Variants in SORCS2 observed in about 807,000 individuals in gnomAD.
SORCS2 encodes VPS10 domain-containing receptor SorCS2.
A neutral mutation model predicts 141.6 loss-of-function variants in SORCS2; 100 were observed. The observed-to-expected ratio is 0.71, with a 90% confidence interval of 0.60 to 0.83. SORCS2 has a LOEUF of 0.83. SORCS2 is among the 40% of genes least tolerant of loss of function. SORCS2 has a pLI of 0.00. For missense variants in SORCS2, 1,646 were observed against 1,560.2 expected (o/e 1.05, Z -0.93); for synonymous variants, 789 against 676.9 (o/e 1.17, Z -2.57).
intron 9 of SORCS2, among the ~76,000 whole-genome samples, chr4:7,677,384 T>C (rs1490219127): frequency 6.6e-6 from 1 of 152,226 alleles, no homozygotes; most frequent in Non-Finnish European, 1.5e-5. Flanking sequence ...ACTTGACCCA[T>C]GTACAGGCCA....
chr4:7,397,717 G>A (rs1270584483), intron 2 of SORCS2, among the ~76,000 whole-genome samples: 1 of 152,206 alleles, frequency 6.6e-6, no homozygotes, highest in Non-Finnish European at 1.5e-5. Flanking sequence ...AAATGTCATT[G>A]CTGCTCTTTG....
chr4:7,213,716 G>A (rs1728175360), intron 1 of SORCS2, among the ~76,000 whole-genome samples: 1 of 150,672 alleles, frequency 6.6e-6, no homozygotes, highest in African/African-American at 2.5e-5. Flanking sequence ...TTCTCCCCCT[G>A]GGAACAGCAG....
intron 2 of SORCS2, chr4:7,433,453 A>G (rs1727029839): frequency 1.9e-6 from 3 of 1,552,930 alleles, no homozygotes; most frequent in Non-Finnish European, 2.6e-6. Flanking sequence ...GGTGCCCAGC[A>G]GTGGGGTCCT....
chr4:7,721,135 G>C (rs956304426), intron 18 of SORCS2, among the ~76,000 whole-genome samples: 2 of 152,240 alleles, frequency 1.3e-5, no homozygotes, highest in African/African-American at 4.8e-5. Flanking sequence ...CCCATGCTGA[G>C]ATACCATGCT....
chr4:7,404,195 G>A (rs1348869558), intron 2 of SORCS2, among the ~76,000 whole-genome samples: 1 of 151,818 alleles, frequency 6.6e-6, no homozygotes, highest in Non-Finnish European at 1.5e-5. Flanking sequence ...TCATGGCTGA[G>A]TAGTCTTTCA....
chr4:7,195,024 G>A lies in SORCS2; in HGVS notation c.480+1898G>A, dbSNP rs573964873. Among the ~76,000 whole-genome samples the A allele has an allele frequency of 3.9e-5, 6 of 152,212 alleles. No homozygotes were observed. In the South Asian group the frequency reaches 6.2e-4, roughly 16 times the overall value. On this transcript the variant is annotated intron_variant, in intron 1 of 26. Transcript: ENST00000507866. ...GTGCAGGGCAGCTTCCTGGGAGAGA[G>A]TTGAGGAGGGAGCTTGGGCCAGCAG...
intron 3 of SORCS2, among the ~76,000 whole-genome samples, chr4:7,545,231 C>G (rs913347456): frequency 6.6e-6 from 1 of 151,846 alleles, no homozygotes; most frequent in Non-Finnish European, 1.5e-5. Context: ...GGAAGGGACT[C>G]TGGAGTTCCT....
At chr4:7,335,490 T>C (rs1381972852) in intron 1 of SORCS2, among the ~76,000 whole-genome samples, 1 of 152,134 alleles carries the variant, frequency 6.6e-6, no homozygotes, top group Non-Finnish European at 1.5e-5. Flanking sequence ...CTTTTCTTTC[T>C]CTCTGGGCGG....
At chr4:7,410,049 C>A (rs1725203846) in intron 2 of SORCS2, among the ~76,000 whole-genome samples, 1 of 152,250 alleles carries the variant, frequency 6.6e-6, no homozygotes, top group Admixed American at 6.5e-5. Flanking sequence ...CAAAGTCCTT[C>A]TCTGCAGAGG....
At chr4:7,611,723 C>T (rs567479492) in intron 3 of SORCS2, among the ~76,000 whole-genome samples, 13 of 152,252 alleles carry the variant, frequency 8.5e-5, no homozygotes, top group Non-Finnish European at 1.8e-4. Flanking sequence ...GAATAGGAAT[C>T]CTCCATGGCA....
chr4:7,736,601 C>T (rs1012290232), intron 25 of SORCS2, among the ~76,000 whole-genome samples: 1 of 152,306 alleles, frequency 6.6e-6, no homozygotes, highest in South Asian at 2.1e-4. Flanking sequence ...TCCCTTTCCT[C>T]GCTGGGAAAT....
At chr4:7,338,928 G>T (rs553944321) in intron 1 of SORCS2, among the ~76,000 whole-genome samples, 1 of 152,156 alleles carries the variant, frequency 6.6e-6, no homozygotes, top group Non-Finnish European at 1.5e-5. Context: ...AGCCATACCC[G>T]CACCAGGGAG....
chr4:7,638,714 C>T (rs1009860308), intron 4 of SORCS2, among the ~76,000 whole-genome samples: 7 of 152,140 alleles, frequency 4.6e-5, no homozygotes, highest in Admixed American at 6.5e-5. Context: ...GGGAGCTGAG[C>T]GAGGTGGTGG....
chr4:7,439,632 TTGG>T (rs1411821857), intron 2 of SORCS2, among the ~76,000 whole-genome samples: 1 of 152,208 alleles, frequency 6.6e-6, no homozygotes, highest in Admixed American at 6.5e-5. Flanking sequence ...GAACCTCGCA[TTGG>T]TGGAGTTGAA....
intron 1 of SORCS2, among the ~76,000 whole-genome samples, chr4:7,299,080 T>A (rs1166105335): frequency 6.6e-6 from 1 of 152,206 alleles, no homozygotes; most frequent in Non-Finnish European, 1.5e-5. Context: ...GCTGGGCACA[T>A]AAAGCCGGGG....
rs1577129410 is a variant in SORCS2 at position 7,728,392 on chromosome 4, A to G, written c.2912A>G (p.Asp971Gly). The G allele has an allele frequency of 6.2e-7, 1 of 1,613,822 alleles. No individual in the cohort carries two copies. Among genetic ancestry groups the G allele is most frequent in the Non-Finnish European group, 8.5e-7 (1 of 1,179,848 alleles). Residue 971 changes from aspartate to glycine, a missense_variant, in exon 22 of 27, where the codon GAT (aspartate) becomes GGT (glycine). Coordinates refer to ENST00000507866, the MANE Select transcript of SORCS2 (RefSeq NM_020777.3). ...VMPLQFSKELDAYNPNTPEWR... is the reference protein window; with the variant it reads ...VMPLQFSKELGAYNPNTPEWR... ...CCTCTGCAGTTTTCCAAGGAGCTGG[A>G]TGCCTACAACCCCAACACCCCTGAG...
At chr4:7,422,394 C>T (rs11723618) in intron 2 of SORCS2, among the ~76,000 whole-genome samples, 73,510 of 151,744 alleles carry the variant, frequency 0.48, 17,870 homozygotes, top group East Asian at 0.54. Flanking sequence ...GGGCAGGCCC[C>T]TCCCGTGGCC....
chr4:7,225,134 T>A (rs2108766899), intron 1 of SORCS2, among the ~76,000 whole-genome samples: 1 of 152,352 alleles, frequency 6.6e-6, no homozygotes, highest in Middle Eastern at 3.4e-3. Context: ...CTGACAGAGT[T>A]ACAGAGTTAC....
chr4:7,269,146 G>A (rs1472466899), intron 1 of SORCS2, among the ~76,000 whole-genome samples: 1 of 152,068 alleles, frequency 6.6e-6, no homozygotes, highest in Non-Finnish European at 1.5e-5. Context: ...GCTGGGCTGG[G>A]CAAGAGGCCT....
Sources: allele counts gnomAD v4.1 joint callset (sites outside exome capture counted in the v4.1 genomes callset), GRCh38; gene constraint gnomAD v4.1.1; transcripts MANE v1.5; gene names NCBI Gene and HGNC (gene_info 2026-07-23, HGNC 2026-07-21).